ADAMTS17: variants seen among roughly 807,000 people sequenced by gnomAD.
The protein encoded by ADAMTS17 is ADAM metallopeptidase with thrombospondin type 1 motif 17.
Under a neutral mutation model 141.5 loss-of-function variants are expected in ADAMTS17, and 113 were observed. The ratio of observed to expected loss-of-function variants is 0.80; its 90% CI spans 0.69 to 0.93. ADAMTS17 has a LOEUF of 0.93. Among genes scored for constraint, ADAMTS17 ranks in the 40% least tolerant of loss-of-function variants. The pLI is 0.00. For missense variants in ADAMTS17, 1,659 were observed against 1,517.9 expected, an observed-to-expected ratio of 1.09 and a Z score of -1.54; for synonymous variants, 768 against 630.6, an observed-to-expected ratio of 1.22 and a Z score of -3.27.
rs868513833 is a variant in ADAMTS17, at chr15:99,977,380, A to G, written c.2950-1158T>C. 8.0e-5 allele frequency among the ~76,000 whole-genome samples: 2 copies of G among 24,872 alleles called. 1 individual carries two copies. Among genetic ancestry groups the G allele is most frequent in the Non-Finnish European group, 1.3e-4 (2 of 15,320 alleles). The allele number at this position is 24,872 out of a possible 152,430, so 16.3% of individuals were successfully genotyped here. ...TATATATATATATATATATATATAT[A>G]TATATATATATATATATATAATTTT... On this transcript the variant is annotated intron_variant, in intron 20 of 21. Transcript: ENST00000268070.
At chr15:100,301,875 C>T (rs4965633) in intron 3 of ADAMTS17, among the ~76,000 whole-genome samples, 82,403 of 151,570 alleles carry the variant, frequency 0.54, 23,237 homozygotes, top group African/African-American at 0.69. Context: ...ATTAAAGCAT[C>T]CTAATTTATG....
chr15:100,036,413 G>A (rs897940455), intron 18 of ADAMTS17, among the ~76,000 whole-genome samples: 1 of 152,200 alleles, frequency 6.6e-6, no homozygotes, highest in Admixed American at 6.5e-5. Flanking sequence ...ATTCCTGCTT[G>A]AGAAGTGACA....
rs1596561243 is a variant in ADAMTS17, at chr15:100,341,143, G to C, written c.346C>G (p.Arg116Gly). 31 of 1,437,480 alleles carry C rather than the reference G, an allele frequency of 2.2e-5. No individual in the cohort carries two copies. The highest frequency in any genetic ancestry group is 2.6e-5 in the Non-Finnish European group (29 of 1,102,694). The allele number at this position is 1,437,480 out of a possible 1,614,324, so 89.0% of individuals were successfully genotyped here. A position where few individuals can be genotyped will look rare whatever the true frequency, so the allele number is the denominator to read the frequency against. ...GFEVEEAGAA[R>G]RRGRPAELCF... ...AGCTCGGCGGGGCGGCCGCGGCGCCGGGCCGCGCCCGCCTCCTCCACCTCG... is the reference window on the plus strand; with the variant it reads ...AGCTCGGCGGGGCGGCCGCGGCGCCCGGCCGCGCCCGCCTCCTCCACCTCG... Residue 116 changes from arginine (R) to glycine (G), a missense_variant, in exon 2 of 22, where the codon CGG becomes GGG. Arg to Gly is a moderately radical substitution (Grantham distance 125). Transcript: ENST00000268070.
intron 18 of ADAMTS17, among the ~76,000 whole-genome samples, chr15:100,026,501 C>T (rs971887528): frequency 4.6e-5 from 7 of 152,298 alleles, no homozygotes; most frequent in Non-Finnish European, 5.9e-5. Flanking sequence ...GGAAGGCCTC[C>T]GAGATTTCCA....
chr15:100,339,088 A>C (rs1043964958), intron 2 of ADAMTS17: 1 of 985,510 alleles, frequency 1.0e-6, no homozygotes, highest in Non-Finnish European at 1.2e-6. Flanking sequence ...CAGGAATTTA[A>C]AAGCTGAAGT....
chr15:100,327,049 AG>A (rs1285633622), intron 3 of ADAMTS17, among the ~76,000 whole-genome samples: 1 of 152,176 alleles, frequency 6.6e-6, no homozygotes, highest in Admixed American at 6.5e-5. Context: ...TTTATGCCAG[AG>A]GTTGCACATT....
At chr15:100,093,286 TG>T (rs1341731061) in intron 15 of ADAMTS17, among the ~76,000 whole-genome samples, 1 of 152,122 alleles carries the variant, frequency 6.6e-6, no homozygotes, top group Non-Finnish European at 1.5e-5. Context: ...TCAGGAACTT[TG>T]GTAAGAGGAC....
At chr15:100,300,171 G>C (rs1311423080) in intron 3 of ADAMTS17, among the ~76,000 whole-genome samples, 1 of 152,064 alleles carries the variant, frequency 6.6e-6, no homozygotes, top group Non-Finnish European at 1.5e-5. Flanking sequence ...TTACAGTCAG[G>C]TGTCCTTCAC....
At chr15:100,159,532 T>A (rs775570238) in intron 8 of ADAMTS17, among the ~76,000 whole-genome samples, 17 of 152,240 alleles carry the variant, frequency 1.1e-4, no homozygotes, top group Non-Finnish European at 2.1e-4. Flanking sequence ...AGTTTTTAAA[T>A]GAGCAGGTCT....
chr15:100,306,593 T>C (rs922333220), intron 3 of ADAMTS17: 5 of 455,712 alleles, frequency 1.1e-5, no homozygotes, highest in African/African-American at 1.0e-4. Context: ...AAAAGCTATG[T>C]CCACCGTGCC....
At chr15:100,098,595 G>A (rs11247150) in intron 14 of ADAMTS17, among the ~76,000 whole-genome samples, 8,256 of 151,884 alleles carry the variant, frequency 0.054, 739 homozygotes, top group African/African-American at 0.18. Flanking sequence ...CCTGGGAGGC[G>A]GAGGTTGCAG....
At chr15:100,233,090 A>G (rs557056004) in intron 7 of ADAMTS17, among the ~76,000 whole-genome samples, 1 of 152,264 alleles carries the variant, frequency 6.6e-6, no homozygotes, top group South Asian at 2.1e-4. Flanking sequence ...GCACTTTGGG[A>G]GGCTAAGGAT....
intron 3 of ADAMTS17, among the ~76,000 whole-genome samples, chr15:100,316,054 G>A (rs1322166966): frequency 2.0e-5 from 3 of 152,360 alleles, no homozygotes; most frequent in East Asian, 1.9e-4. Context: ...TAGATCAACA[G>A]GTTGTTCATG....
chr15:100,110,046 C>T (rs1464308885), intron 13 of ADAMTS17, among the ~76,000 whole-genome samples: 4 of 151,792 alleles, frequency 2.6e-5, no homozygotes, highest in East Asian at 1.9e-4. Flanking sequence ...AAAGGGATGA[C>T]TTTTATTCAT....
intron 7 of ADAMTS17, among the ~76,000 whole-genome samples, chr15:100,204,495 T>C (rs1056545508): frequency 1.3e-4 from 20 of 152,184 alleles, no homozygotes; most frequent in Non-Finnish European, 2.8e-4. Flanking sequence ...CAAACCTAAG[T>C]GGATGTGGGT....
chr15:100,300,467 G>A (rs1472615436), intron 3 of ADAMTS17, among the ~76,000 whole-genome samples: 2 of 152,170 alleles, frequency 1.3e-5, no homozygotes, highest in Admixed American at 6.5e-5. Context: ...GAGCTCACTG[G>A]ACTCCTACTC....
intron 18 of ADAMTS17, among the ~76,000 whole-genome samples, chr15:99,999,790 G>T (rs980644783): frequency 1.3e-5 from 2 of 152,140 alleles, no homozygotes; most frequent in Non-Finnish European, 2.9e-5. Context: ...CGACGGCACT[G>T]GTCTGAACCA....
chr15:100,046,601 T>C (rs1181820831), intron 18 of ADAMTS17, among the ~76,000 whole-genome samples: 3 of 152,242 alleles, frequency 2.0e-5, no homozygotes, highest in Non-Finnish European at 2.9e-5. Context: ...TTCATGGACA[T>C]TTATTAGTTC....
intron 6 of ADAMTS17, among the ~76,000 whole-genome samples, chr15:100,255,730 G>A (rs181351890): frequency 8.2e-4 from 125 of 152,036 alleles, no homozygotes; most frequent in African/African-American, 3.0e-3. Flanking sequence ...CTGGGCAAAG[G>A]GAGAAAGGGA....
Sources: gnomAD v4.1 joint callset for allele counts (sites outside exome capture counted in the v4.1 genomes callset) on GRCh38, gnomAD v4.1.1 for gene constraint, MANE v1.5 for transcripts, NCBI Gene and HGNC (gene_info 2026-07-23, HGNC 2026-07-21) for gene names.